Variants in ERBB4 observed in about 807,000 individuals in gnomAD.
ERBB4 encodes erb-b2 receptor tyrosine kinase 4, also known as receptor tyrosine-protein kinase erbB-4.
Under a neutral mutation model 158.0 loss-of-function variants are expected in ERBB4, and 42 were observed. The observed-to-expected ratio is 0.27, with a 90% confidence interval of 0.21 to 0.34. ERBB4 has a LOEUF of 0.34. ERBB4 is among the 10% of genes least tolerant of loss of function. ERBB4 has a pLI of 1.00. For missense variants in ERBB4, 1,333 were observed against 1,624.1 expected, an observed-to-expected ratio of 0.82 and a Z score of 3.08; for synonymous variants, 583 against 558.7, an observed-to-expected ratio of 1.04 and a Z score of -0.61.
At chr2:212,014,515 T>A (rs1164276281) in intron 2 of ERBB4, among the ~76,000 whole-genome samples, 1 of 152,212 alleles carries the variant, frequency 6.6e-6, no homozygotes, top group Non-Finnish European at 1.5e-5. Flanking sequence ...AAAAAATAGC[T>A]TGGATACTTT....
chr2:212,491,244 T>G (rs1575019365), intron 1 of ERBB4, among the ~76,000 whole-genome samples: 2 of 151,816 alleles, frequency 1.3e-5, no homozygotes, highest in East Asian at 3.9e-4. Flanking sequence ...TGTATTTGCA[T>G]ACAGAACCTA....
chr2:212,327,620 C>T (rs1484157548), intron 1 of ERBB4, among the ~76,000 whole-genome samples: 1 of 151,480 alleles, frequency 6.6e-6, no homozygotes, highest in Non-Finnish European at 1.5e-5. Context: ...TAAAGTTAAA[C>T]ATTAAGTGGG....
At chr2:211,666,637 C>T (rs188620710) in intron 14 of ERBB4, among the ~76,000 whole-genome samples, 1 of 152,126 alleles carries the variant, frequency 6.6e-6, no homozygotes, top group Non-Finnish European at 1.5e-5. Context: ...TTCCCCGATG[C>T]TTTCATACAT....
In ERBB4 at chr2:211,420,161, A is replaced by G. The variant is rs765021471; in HGVS notation, c.3135+280T>C. ...GTTTTATTAGTTGGAATTGTTTTTT[A>G]AAGTTAAGATTTGTTTTAAATAAAT... On this transcript the variant is annotated intron_variant, in intron 25 of 27. Coordinates refer to ENST00000342788, the MANE Select transcript of ERBB4 (RefSeq NM_005235.3). Among the ~76,000 whole-genome samples, 8 of 152,124 alleles carry G rather than the reference A, an allele frequency of 5.3e-5. No individual in the cohort carries two copies. The South Asian group carries it at 8.3e-4, about 16-fold the overall frequency.
chr2:211,832,504 T>G (rs886891482), intron 3 of ERBB4, among the ~76,000 whole-genome samples: 2 of 151,988 alleles, frequency 1.3e-5, no homozygotes, highest in African/African-American at 4.8e-5. Context: ...GCATTAAAGA[T>G]AAAAACTCTC....
At chr2:212,430,253 A>T (rs1332423949) in intron 1 of ERBB4, among the ~76,000 whole-genome samples, 1 of 151,358 alleles carries the variant, frequency 6.6e-6, no homozygotes. Context: ...TGTAAGTAAA[A>T]TATAACTAGC....
chr2:211,430,474 G>T (rs2063724651), intron 21 of ERBB4, among the ~76,000 whole-genome samples: 1 of 152,302 alleles, frequency 6.6e-6, no homozygotes, highest in Admixed American at 6.5e-5. Flanking sequence ...AGAAAAGGTA[G>T]ACGAGGCAGT....
intron 1 of ERBB4, among the ~76,000 whole-genome samples, chr2:212,508,932 C>T (rs1484618813): frequency 3.3e-5 from 5 of 152,084 alleles, no homozygotes; most frequent in Non-Finnish European, 7.4e-5. Flanking sequence ...ACTTTCATGT[C>T]TGCCAAAAAC....
intron 1 of ERBB4, among the ~76,000 whole-genome samples, chr2:212,380,064 G>A (rs1310241663): frequency 6.6e-6 from 1 of 151,140 alleles, no homozygotes; most frequent in Non-Finnish European, 1.5e-5. Flanking sequence ...CATCTAATAA[G>A]GTTTTTTAAA....
chr2:211,541,850 G>A (rs1040010774), intron 20 of ERBB4, among the ~76,000 whole-genome samples: 6 of 151,964 alleles, frequency 3.9e-5, no homozygotes, highest in African/African-American at 1.4e-4. Flanking sequence ...AGTTCTTTAT[G>A]CATGTTAACT....
At chr2:211,703,757 T>A (rs1233261263) in intron 11 of ERBB4, among the ~76,000 whole-genome samples, 1 of 152,158 alleles carries the variant, frequency 6.6e-6, no homozygotes, top group Non-Finnish European at 1.5e-5. Flanking sequence ...AGCATTTGTA[T>A]CCTATACACC....
At chr2:212,172,717 T>A (rs1310450256) in intron 1 of ERBB4, among the ~76,000 whole-genome samples, 3 of 151,648 alleles carry the variant, frequency 2.0e-5, no homozygotes, top group African/African-American at 7.3e-5. Context: ...CACTTATAAG[T>A]GGGAGCTAAA....
intron 2 of ERBB4, among the ~76,000 whole-genome samples, chr2:212,051,153 C>G (rs749500187): frequency 2.0e-5 from 3 of 152,160 alleles, no homozygotes; most frequent in Admixed American, 6.6e-5. Context: ...AAAGGCAGCT[C>G]TTCTAAGCTT....
At chr2:212,266,683 T>C (rs1160552512) in intron 1 of ERBB4, among the ~76,000 whole-genome samples, 1 of 152,014 alleles carries the variant, frequency 6.6e-6, no homozygotes, top group African/African-American at 2.4e-5. Context: ...ACAGGATTAT[T>C]ATTATTATTA....
In ERBB4 at chr2:212,217,962, C is replaced by T. The variant is rs555335957; in HGVS notation, c.83-93059G>A. Among the ~76,000 whole-genome samples the T allele has an allele frequency of 1.3e-4, 19 of 151,284 alleles. No individual in the cohort carries two copies. In the South Asian group the frequency reaches 2.5e-3, roughly 20 times the overall value. ...AATGTTGAATCAGCACATATCATGA[C>T]AACCCAAAGATCAATAACTATTTGT... is the stretch of plus-strand genomic sequence containing the variant. On this transcript the variant is annotated intron_variant, in intron 1 of 27. Transcript: ENST00000342788.
intron 1 of ERBB4, among the ~76,000 whole-genome samples, chr2:212,532,214 C>T (rs1485879053): frequency 2.0e-5 from 3 of 152,164 alleles, no homozygotes; most frequent in African/African-American, 4.8e-5. Flanking sequence ...CTGTCAGTTT[C>T]CTTACCTAAA....
chr2:212,533,615 AT>A (rs1231026059), intron 1 of ERBB4, among the ~76,000 whole-genome samples: 1 of 152,224 alleles, frequency 6.6e-6, no homozygotes, highest in African/African-American at 2.4e-5. Context: ...GTTATTTTTC[AT>A]TATAAACTGA....
At chr2:212,039,226 T>C (rs2077083859) in intron 2 of ERBB4, among the ~76,000 whole-genome samples, 1 of 152,166 alleles carries the variant, frequency 6.6e-6, no homozygotes, top group Admixed American at 6.6e-5. Context: ...ATAAATCCCA[T>C]ATACACGTTT....
chr2:212,407,184 T>C (rs912277309), intron 1 of ERBB4, among the ~76,000 whole-genome samples: 19 of 151,430 alleles, frequency 1.3e-4, no homozygotes, highest in African/African-American at 4.6e-4. Flanking sequence ...ATATAACACA[T>C]ATAAATACAT....
Sources: allele counts gnomAD v4.1 joint callset (sites outside exome capture counted in the v4.1 genomes callset), GRCh38; gene constraint gnomAD v4.1.1; transcripts MANE v1.5; gene names NCBI Gene and HGNC (gene_info 2026-07-23, HGNC 2026-07-21).